The following ATF1 variants were observed in gnomAD, a reference collection of about 807,000 sequenced individuals.
The protein encoded by ATF1 is activating transcription factor 1.
A neutral mutation model predicts 34.7 loss-of-function variants in ATF1; 16 were observed. That is an observed-to-expected ratio of 0.46 (90% CI 0.31 to 0.70). The LOEUF (loss-of-function observed/expected upper bound fraction) is 0.70. ATF1 is among the 30% of genes least tolerant of loss of function. The pLI is 0.05. For synonymous variants in ATF1, 105 were observed against 113.1 expected (o/e 0.93, Z 0.46); for missense variants, 255 against 321.6 (o/e 0.79, Z 1.58).
In ATF1 at chr12:50,780,111, A is replaced by G. The variant is rs200647172; in HGVS notation, c.-6-29A>G. On this transcript the variant is annotated intron_variant, in intron 1 of 6. Transcript: ENST00000262053. Reference sequence around the variant, plus strand: ...CTGTAAACATTCTGTATCATATTTAATTTTAACGGACTTTTTTCCCCCTTA... The same window carrying G: ...CTGTAAACATTCTGTATCATATTTAGTTTTAACGGACTTTTTTCCCCCTTA... 8.0e-6 allele frequency: 12 copies of G among 1,508,610 alleles called. No homozygotes were observed. In the East Asian group the frequency reaches 2.7e-4, roughly 34 times the overall value. 93.5% of individuals were successfully genotyped at this position (1,508,610 alleles called of 1,614,324 possible).
chr12:50,787,828 A>AAGAT (rs1242000115), intron 2 of ATF1, among the ~76,000 whole-genome samples: 4 of 152,208 alleles, frequency 2.6e-5, no homozygotes, highest in African/African-American at 9.6e-5. Flanking sequence ...AGTGAACTTG[A>AAGAT]AGATAGGTCA....
intron 4 of ATF1, among the ~76,000 whole-genome samples, chr12:50,810,661 C>T (rs953982479): frequency 6.6e-6 from 1 of 152,172 alleles, no homozygotes; most frequent in Non-Finnish European, 1.5e-5. Context: ...GTCACCCTAA[C>T]GAATTTACTT....
At chr12:50,768,975 G>A (rs1307018106) in intron 1 of ATF1, among the ~76,000 whole-genome samples, 2 of 152,158 alleles carry the variant, frequency 1.3e-5, no homozygotes, top group African/African-American at 4.8e-5. Context: ...CTGCACTTCT[G>A]CCTGGTGTGT....
At chr12:50,776,257 A>G (rs1940919900) in intron 1 of ATF1, among the ~76,000 whole-genome samples, 1 of 150,782 alleles carries the variant, frequency 6.6e-6, no homozygotes, top group South Asian at 2.1e-4. Context: ...TGGAGCTTGC[A>G]GTGAGCCGAG....
chr12:50,786,818 C>G (rs754050811), intron 2 of ATF1, among the ~76,000 whole-genome samples: 4 of 152,138 alleles, frequency 2.6e-5, no homozygotes, highest in Non-Finnish European at 4.4e-5. Context: ...CAAAGAACCT[C>G]CCTGTTGGTG....
chr12:50,783,732 G>A (rs1016524508), intron 2 of ATF1, among the ~76,000 whole-genome samples: 3 of 151,984 alleles, frequency 2.0e-5, no homozygotes, highest in African/African-American at 7.2e-5. Flanking sequence ...GCTGGGCATG[G>A]TGGCATGCAC....
intron 3 of ATF1, among the ~76,000 whole-genome samples, chr12:50,804,898 G>A (rs1349282504): frequency 2.0e-5 from 3 of 149,634 alleles, no homozygotes; most frequent in Non-Finnish European, 3.0e-5. Context: ...TGCAACCTCC[G>A]CCTTCCAGGT....
chr12:50,809,373 CAAAAAA>C (rs56060219), intron 3 of ATF1, 77 bp from the exon 4 acceptor site: 151 of 759,088 alleles, frequency 2.0e-4, no homozygotes, highest in South Asian at 4.5e-4. Flanking sequence ...GATCTTGTCT[CAAAAAA>C]AAAAAAAAAA....
intron 1 of ATF1, among the ~76,000 whole-genome samples, chr12:50,779,356 ACATTCCCAC>A (rs2139648587): frequency 6.6e-6 from 1 of 152,326 alleles, no homozygotes; most frequent in East Asian, 1.9e-4. Context: ...GTACCACTTT[ACATTCCCAC>A]CAGCACAGTA....
intron 4 of ATF1, among the ~76,000 whole-genome samples, chr12:50,811,599 T>C (rs1016761683): frequency 3.2e-5 from 4 of 123,820 alleles, no homozygotes; most frequent in Admixed American, 1.0e-4. Flanking sequence ...CTTGGCAACA[T>C]AGCAAGACTG....
At chr12:50,804,699 C>T (rs939256353) in intron 3 of ATF1, among the ~76,000 whole-genome samples, 18 of 152,034 alleles carry the variant, frequency 1.2e-4, no homozygotes, top group African/African-American at 4.3e-4. Context: ...TCCACAGTTG[C>T]AGTTGATGAT....
At chr12:50,766,879 C>G (rs1940649803) in intron 1 of ATF1, among the ~76,000 whole-genome samples, 2 of 152,138 alleles carry the variant, frequency 1.3e-5, no homozygotes, top group Non-Finnish European at 2.9e-5. Flanking sequence ...ACCATCTTAC[C>G]TAGAGGCCAC....
chr12:50,798,934 T>C (rs1047747030), intron 3 of ATF1, among the ~76,000 whole-genome samples: 3 of 152,198 alleles, frequency 2.0e-5, no homozygotes, highest in African/African-American at 4.8e-5. Context: ...CAGATCACCA[T>C]TGCCCAAATT....
intron 2 of ATF1, 110 bp downstream of exon 2, chr12:50,780,348 G>T: frequency 9.0e-7 from 1 of 1,111,826 alleles, no homozygotes; most frequent in East Asian, 2.6e-5. Flanking sequence ...TTTGTTTTTT[G>T]GGTTTTTTTT....
At chr12:50,765,690 T>C (rs529763829) in intron 1 of ATF1, among the ~76,000 whole-genome samples, 1 of 152,066 alleles carries the variant, frequency 6.6e-6, no homozygotes, top group African/African-American at 2.4e-5. Context: ...AAAATACAGG[T>C]CATGAAGACC....
intron 6 of ATF1, among the ~76,000 whole-genome samples, chr12:50,814,841 A>C (rs1485953708): frequency 6.9e-6 from 1 of 145,564 alleles, no homozygotes; most frequent in Admixed American, 6.9e-5. Context: ...TTTTTTTTAA[A>C]GTTAACTGTA....
At chr12:50,784,485 G>T (rs767743564) in intron 2 of ATF1, among the ~76,000 whole-genome samples, 11 of 152,286 alleles carry the variant, frequency 7.2e-5, no homozygotes, top group Middle Eastern at 3.4e-3. Context: ...GCTTGATATG[G>T]TCAAGGAACA....
intron 3 of ATF1, among the ~76,000 whole-genome samples, chr12:50,800,550 C>T (rs780175626): frequency 6.6e-6 from 1 of 151,980 alleles, no homozygotes; most frequent in Non-Finnish European, 1.5e-5. Context: ...AGGTGAGCAG[C>T]GGGTGAGCGA....
intron 3 of ATF1, among the ~76,000 whole-genome samples, chr12:50,805,382 C>T (rs763150200): frequency 6.6e-5 from 10 of 151,458 alleles, no homozygotes; most frequent in Non-Finnish European, 1.2e-4. Flanking sequence ...ATAGGGATAC[C>T]TTGTCACTAC....
Sources: gnomAD v4.1 joint callset for allele counts (sites outside exome capture counted in the v4.1 genomes callset) on GRCh38, gnomAD v4.1.1 for gene constraint, MANE v1.5 for transcripts, NCBI Gene and HGNC (gene_info 2026-07-23, HGNC 2026-07-21) for gene names.